DCC: variants seen among roughly 807,000 people sequenced by gnomAD.
DCC encodes netrin receptor DCC.
DCC carries 58 observed loss-of-function variants against 172.5 expected under a neutral mutation model. That is an observed-to-expected ratio of 0.34 (90% confidence interval 0.27 to 0.42). The LOEUF is 0.42. Among genes scored for constraint, DCC ranks in the 10% least tolerant of loss-of-function variants. The probability of loss-of-function intolerance (pLI) is 1.00; values close to 1 mark genes in which losing one functional copy is unlikely to be tolerated. For missense variants in DCC, 1,740 were observed against 1,791.0 expected (o/e 0.97, Z 0.51); for synonymous variants, 709 against 644.5 (o/e 1.10, Z -1.52).
At chr18:53,384,465 T>C (rs1907990646) in intron 15 of DCC, among the ~76,000 whole-genome samples, 1 of 152,242 alleles carries the variant, frequency 6.6e-6, no homozygotes, top group Middle Eastern at 3.4e-3. Context: ...ATCTGTACGT[T>C]AGATCTTCCT....
intron 5 of DCC, among the ~76,000 whole-genome samples, chr18:53,028,932 A>G (rs1758942311): frequency 1.3e-5 from 2 of 152,178 alleles, no homozygotes; most frequent in Non-Finnish European, 2.9e-5. Flanking sequence ...AAAGTTTCCC[A>G]GTTTTTTCTT....
chr18:52,517,588 T>C (rs1441081936), intron 1 of DCC, among the ~76,000 whole-genome samples: 1 of 152,218 alleles, frequency 6.6e-6, no homozygotes, highest in Non-Finnish European at 1.5e-5. Flanking sequence ...TTCCTTTTTA[T>C]TAAGTAAACA....
chr18:52,998,654 T>G (rs989028822), intron 5 of DCC, among the ~76,000 whole-genome samples: 4 of 152,048 alleles, frequency 2.6e-5, no homozygotes, highest in African/African-American at 9.7e-5. Flanking sequence ...GCAACTTTTA[T>G]GAAACTCTAG....
At chr18:52,575,816 A>G (rs1466419439) in intron 1 of DCC, among the ~76,000 whole-genome samples, 2 of 152,178 alleles carry the variant, frequency 1.3e-5, no homozygotes, top group Non-Finnish European at 2.9e-5. Context: ...TATCTGCCCC[A>G]TCTACTTGAG....
At chr18:52,770,684 G>A (rs995572178) in intron 2 of DCC, among the ~76,000 whole-genome samples, 1 of 152,164 alleles carries the variant, frequency 6.6e-6, no homozygotes, top group African/African-American at 2.4e-5. Flanking sequence ...TGGAGCCCAG[G>A]ACTTCTCTAT....
At chr18:52,899,939 T>A (rs1337563912) in intron 2 of DCC, among the ~76,000 whole-genome samples, 1 of 152,226 alleles carries the variant, frequency 6.6e-6, no homozygotes, top group Non-Finnish European at 1.5e-5. Context: ...GATGGCCAAG[T>A]ATTTGCCATA....
intron 1 of DCC, among the ~76,000 whole-genome samples, chr18:52,364,945 C>T (rs1984780600): frequency 1.3e-5 from 2 of 152,040 alleles, no homozygotes; most frequent in Non-Finnish European, 2.9e-5. Context: ...GGGACTTATG[C>T]CTTTTTTGTC....
Position 53,468,007 on chromosome 18 carries a change from C to A in DCC, c.3733C>A (p.Pro1245Thr), listed in dbSNP as rs2045643333. The change falls in exon 25 of 29, where the codon CCT (proline) becomes ACT (threonine). Residue 1245 changes from proline (P) to threonine (T), a missense_variant. Around this residue, in one of 2 missense-constraint regions of DCC, gnomAD observed 1,732 missense variants for 1,767.4 expected, o/e 0.98. Transcript: ENST00000442544. ...TCCCATGGATGCCCAGTCCAACAAT[C>A]CTGGTGAGTCAATATTGGTGCCACA... The part of the protein sequence containing the change: ...MIPMDAQSNN[P>T]AVVSAIPVPT... 6.7e-7 allele frequency: 1 copy of A among 1,489,126 alleles called. No individual in the cohort carries two copies. Among genetic ancestry groups the A allele is most frequent in the Admixed American group, 1.7e-5 (1 of 59,864 alleles). The allele number at this position is 1,489,126 out of a possible 1,614,324, so 92.2% of individuals were successfully genotyped here. A position where few individuals can be genotyped will look rare whatever the true frequency, so the allele number is the denominator to read the frequency against.
At chr18:53,411,392 T>G (rs762382838) in intron 20 of DCC, among the ~76,000 whole-genome samples, 29 of 152,156 alleles carry the variant, frequency 1.9e-4, no homozygotes, top group Non-Finnish European at 3.5e-4. Context: ...AACTAATATT[T>G]AAAGTTGTAT....
At chr18:52,757,508 C>T (rs949848244) in intron 2 of DCC, among the ~76,000 whole-genome samples, 3 of 152,142 alleles carry the variant, frequency 2.0e-5, no homozygotes. Flanking sequence ...CCCACCCACA[C>T]AGCTCCTTGT....
At chr18:52,858,531 C>A (rs1169390969) in intron 2 of DCC, among the ~76,000 whole-genome samples, 1 of 152,190 alleles carries the variant, frequency 6.6e-6, no homozygotes, top group Non-Finnish European at 1.5e-5. Flanking sequence ...TTCTCCCAGG[C>A]TTTCCTAGCT....
intron 1 of DCC, among the ~76,000 whole-genome samples, chr18:52,372,260 T>C (rs1163941705): frequency 1.3e-5 from 2 of 152,204 alleles, no homozygotes; most frequent in Admixed American, 6.5e-5. Flanking sequence ...CGTGTAGCTG[T>C]AGTGCTGAAG....
At chr18:53,519,696 A>G (rs752250320) in intron 27 of DCC, among the ~76,000 whole-genome samples, 18 of 152,108 alleles carry the variant, frequency 1.2e-4, no homozygotes, top group Non-Finnish European at 2.1e-4. Context: ...TAGAGCTCAT[A>G]GAAGTTCTAT....
intron 1 of DCC, among the ~76,000 whole-genome samples, chr18:52,587,758 G>A (rs1245043530): frequency 6.6e-6 from 1 of 152,126 alleles, no homozygotes; most frequent in Non-Finnish European, 1.5e-5. Context: ...TCCACTTTTG[G>A]GTGGTGCCTG....
chr18:53,177,500 A>G (rs1307052902), intron 8 of DCC, among the ~76,000 whole-genome samples: 7 of 152,058 alleles, frequency 4.6e-5, no homozygotes, highest in Admixed American at 4.6e-4. Flanking sequence ...GCTCAGAACT[A>G]TTTCTGACTC....
At position 52,923,749 on chromosome 18, in the gene DCC, C is replaced by T. The variant is rs1231214264; in HGVS notation, c.740C>T (p.Ser247Phe). 1.2e-6 allele frequency: 2 copies of T among 1,610,530 alleles called. No homozygotes were observed. The highest frequency in any genetic ancestry group is 1.1e-5 in the South Asian group (1 of 90,994). ...HRQLYFLQRP[S>F]NVVAIEGKDA... is the part of the protein sequence containing the mutation. Reference sequence around the variant, plus strand: ...CAGCTGTATTTTCTGCAAAGACCATCCAATGTAGTAGCCATTGAAGGAAAA... The same window carrying T: ...CAGCTGTATTTTCTGCAAAGACCATTCAATGTAGTAGCCATTGAAGGAAAA... Residue 247 changes from serine (S) to phenylalanine (F), a missense_variant, in exon 4 of 29, where the codon TCC becomes TTC. Physicochemically the swap from Ser to Phe is radical, Grantham distance 155. This residue lies in a region of DCC where 1,732 missense variants were observed against 1,767.4 expected (regional missense o/e 0.98). Coordinates refer to ENST00000442544, the MANE Select transcript of DCC (RefSeq NM_005215.4).
At chr18:52,934,307 CAT>C (rs1225973688) in intron 5 of DCC, among the ~76,000 whole-genome samples, 1 of 151,906 alleles carries the variant, frequency 6.6e-6, no homozygotes, top group Non-Finnish European at 1.5e-5. Flanking sequence ...TCTCTAGAAA[CAT>C]AGACATCCCT....
chr18:52,700,067 A>C (rs960009405), intron 1 of DCC, among the ~76,000 whole-genome samples: 1 of 150,952 alleles, frequency 6.6e-6, no homozygotes, highest in East Asian at 1.9e-4. Context: ...AAAAACACTC[A>C]TTAAATACAG....
intron 7 of DCC, among the ~76,000 whole-genome samples, chr18:53,135,922 C>G (rs1481825558): frequency 6.6e-6 from 1 of 152,108 alleles, no homozygotes; most frequent in Non-Finnish European, 1.5e-5. Flanking sequence ...CAAGCAACTT[C>G]TATTGATGAA....
Sources: gnomAD v4.1 joint callset for allele counts (sites outside exome capture counted in the v4.1 genomes callset) on GRCh38, gnomAD v4.1.1 for gene constraint, gnomAD v4.1.1 regional missense constraint, MANE v1.5 for transcripts, NCBI Gene and HGNC (gene_info 2026-07-23, HGNC 2026-07-21) for gene names.